EEIG2: variants seen among roughly 807,000 people sequenced by gnomAD.
EEIG2 encodes family with sequence similarity 102 member B.
chr1:108,633,367 C>A, the EEIG2 span, among the ~76,000 whole-genome samples: 2 of 152,198 alleles, frequency 1.3e-5, no homozygotes, highest in Non-Finnish European at 2.9e-5. Flanking sequence ...CAGCTCACTG[C>A]AGCCTCCAAT....
At chr1:108,628,232 A>G in the EEIG2 span, 8 of 1,614,066 alleles carry the variant, frequency 5.0e-6, no homozygotes, top group Non-Finnish European at 5.9e-6. Context: ...TAGAACATCA[A>G]GCTATGCAAG....
chr1:108,635,570 A>G, the EEIG2 span: 6 of 158,976 alleles, frequency 3.8e-5, no homozygotes, highest in African/African-American at 1.4e-4. Context: ...GTACATGAAT[A>G]TAACTTAAAC....
the EEIG2 span, among the ~76,000 whole-genome samples, chr1:108,578,645 A>G: frequency 1.3e-5 from 2 of 151,970 alleles, no homozygotes; most frequent in Non-Finnish European, 2.9e-5. Flanking sequence ...TCCCAGATTC[A>G]CCGAAGTTGA....
the EEIG2 span, among the ~76,000 whole-genome samples, chr1:108,603,171 G>A: frequency 6.6e-6 from 1 of 152,180 alleles, no homozygotes; most frequent in Non-Finnish European, 1.5e-5. Context: ...ATAGAGGAGG[G>A]AAGCATAGAG....
chr1:108,614,506 G>A, the EEIG2 span, among the ~76,000 whole-genome samples: 1 of 151,902 alleles, frequency 6.6e-6, no homozygotes, highest in African/African-American at 2.4e-5. Flanking sequence ...TACTGACCTT[G>A]CCTTATCCTA....
At chr1:108,627,494 T>C in the EEIG2 span, 1 of 152,236 alleles carries the variant, frequency 6.6e-6, no homozygotes, top group Non-Finnish European at 1.5e-5. Context: ...TCTGAAAATA[T>C]GTAATTGGCA....
At chr1:108,586,754 C>T in the EEIG2 span, among the ~76,000 whole-genome samples, 283 of 152,102 alleles carry the variant, frequency 1.9e-3, no homozygotes, top group Middle Eastern at 3.4e-3. Context: ...TTTGGTTTTT[C>T]GTGTACATAC....
the EEIG2 span, among the ~76,000 whole-genome samples, chr1:108,614,466 G>A: frequency 4.5e-4 from 68 of 151,632 alleles, no homozygotes; most frequent in African/African-American, 1.4e-3. Context: ...TTTTCTCCTC[G>A]TATCCCAACA....
At chr1:108,571,853 T>C in the EEIG2 span, among the ~76,000 whole-genome samples, 1 of 152,224 alleles carries the variant, frequency 6.6e-6, no homozygotes, top group South Asian at 2.1e-4. Context: ...ACCAGTCTTT[T>C]AACTATTATT....
At chr1:108,595,712 A>G in the EEIG2 span, among the ~76,000 whole-genome samples, 1 of 150,766 alleles carries the variant, frequency 6.6e-6, no homozygotes, top group Non-Finnish European at 1.5e-5. Flanking sequence ...TGCCAAGGGA[A>G]GGAAGGGAGG....
chr1:108,565,939 C>A, the EEIG2 span, among the ~76,000 whole-genome samples: 1 of 152,042 alleles, frequency 6.6e-6, no homozygotes, highest in African/African-American at 2.4e-5. Flanking sequence ...ATGAACCACC[C>A]AGGGATAATC....
chr1:108,581,978 C>CTTTTTT, the EEIG2 span, among the ~76,000 whole-genome samples: 5 of 152,092 alleles, frequency 3.3e-5, no homozygotes, highest in African/African-American at 1.2e-4. Flanking sequence ...TCCTTCTTCT[C>CTTTTTT]TTATTTTAAG....
chr1:108,639,226 GT>G, the EEIG2 span: 1 of 129,376 alleles, frequency 7.7e-6, no homozygotes, highest in Non-Finnish European at 1.7e-5. Context: ...TTCAGGAAAT[GT>G]TTCCTTTTTT....
the EEIG2 span, among the ~76,000 whole-genome samples, chr1:108,563,125 T>C: frequency 1.1e-4 from 17 of 152,344 alleles, no homozygotes; most frequent in Admixed American, 3.3e-4. Context: ...AGGCTGGCCC[T>C]TGGCTGGCAT....
chr1:108,628,889 C>A, the EEIG2 span: 1 of 1,178,394 alleles, frequency 8.5e-7, no homozygotes, highest in Non-Finnish European at 1.2e-6. Context: ...CTCAGAACAT[C>A]ATAATACTGA....
At chr1:108,567,010 C>CA in the EEIG2 span, among the ~76,000 whole-genome samples, 5 of 150,868 alleles carry the variant, frequency 3.3e-5, no homozygotes, top group Non-Finnish European at 7.4e-5. Context: ...TCTCCAACAG[C>CA]AAAAAAAATA....
the EEIG2 span, among the ~76,000 whole-genome samples, chr1:108,586,233 C>G: frequency 1.8e-4 from 27 of 151,950 alleles, no homozygotes; most frequent in African/African-American, 6.5e-4. Context: ...TCATTTTACC[C>G]AAGGACTCAG....
At chr1:108,564,953 T>C in the EEIG2 span, among the ~76,000 whole-genome samples, 2 of 151,968 alleles carry the variant, frequency 1.3e-5, no homozygotes, top group Non-Finnish European at 2.9e-5. Flanking sequence ...GTCTCAAAAA[T>C]AAATAAATAA....
the EEIG2 span, chr1:108,560,384 C>T: frequency 2.7e-6 from 4 of 1,481,120 alleles, no homozygotes; most frequent in Non-Finnish European, 2.7e-6. Context: ...GCTGAGGCGG[C>T]GGCGCCCGGC....
Sources: gnomAD v4.1 joint callset for allele counts (sites outside exome capture counted in the v4.1 genomes callset) on GRCh38, gnomAD v4.1.1 for gene constraint, MANE v1.5 for transcripts, NCBI Gene and HGNC (gene_info 2026-07-23, HGNC 2026-07-21) for gene names.